The following DOCK1 variants were observed in gnomAD, a reference collection of about 807,000 sequenced individuals.
The protein encoded by DOCK1 is dedicator of cytokinesis protein 1.
Under a neutral mutation model 262.7 loss-of-function variants are expected in DOCK1, and 138 were observed. That is an observed-to-expected ratio of 0.53 (90% CI 0.46 to 0.61). DOCK1 has a LOEUF of 0.61. Ranked by LOEUF, DOCK1 falls within the 20% of genes least tolerant of loss-of-function variation. The pLI is 0.00. For synonymous variants in DOCK1, 866 were observed against 867.4 expected, an observed-to-expected ratio of 1.00 and a Z score of 0.03; for missense variants, 1,908 against 2,370.7, an observed-to-expected ratio of 0.80 and a Z score of 4.05.
chr10:126,974,725 C>G (rs2038385651), intron 2 of DOCK1, among the ~76,000 whole-genome samples: 1 of 152,034 alleles, frequency 6.6e-6, no homozygotes, highest in South Asian at 2.1e-4. Context: ...GTGGTGTGAC[C>G]CCTACTTGTC....
chr10:126,961,180 T>A (rs2134537821), intron 1 of DOCK1, among the ~76,000 whole-genome samples: 1 of 152,306 alleles, frequency 6.6e-6, no homozygotes, highest in South Asian at 2.1e-4. Flanking sequence ...AAACATTGCA[T>A]GAAATACTGC....
intron 30 of DOCK1, among the ~76,000 whole-genome samples, chr10:127,339,481 G>A (rs2063331028): frequency 6.6e-6 from 1 of 152,134 alleles, no homozygotes; most frequent in East Asian, 1.9e-4. Flanking sequence ...TTATAACTCT[G>A]TGTTCCCTCC....
intron 38 of DOCK1, among the ~76,000 whole-genome samples, chr10:127,386,172 C>A (rs531869129): frequency 6.6e-6 from 1 of 152,236 alleles, no homozygotes; most frequent in South Asian, 2.1e-4. Flanking sequence ...TTGGAGTAAG[C>A]GATGCGGCAT....
chr10:127,267,620 C>T lies in DOCK1; in HGVS notation c.3044+10191C>T, dbSNP rs566943180. Among the ~76,000 whole-genome samples, 11 of 152,312 alleles carry T rather than the reference C, an allele frequency of 7.2e-5. No homozygotes were observed. In the East Asian group the frequency reaches 9.7e-4, roughly 13 times the overall value. On this transcript the variant is annotated intron_variant, in intron 29 of 51. Coordinates refer to ENST00000623213, the MANE Select transcript of DOCK1 (RefSeq NM_001290223.2). ...TCTGTTTAAGAATTCTCAGAGATCA[C>T]GCGCACCTCGTCGGGAGTGCCTGGC...
At chr10:126,946,619 T>A (rs1463612408) in intron 1 of DOCK1, among the ~76,000 whole-genome samples, 11 of 152,152 alleles carry the variant, frequency 7.2e-5, no homozygotes, top group African/African-American at 2.4e-4. Context: ...ATATTTTCTG[T>A]CTCTGAATTT....
intron 1 of DOCK1, among the ~76,000 whole-genome samples, chr10:126,932,138 A>T (rs995364007): frequency 1.3e-5 from 2 of 152,190 alleles, no homozygotes; most frequent in African/African-American, 4.8e-5. Flanking sequence ...GTGCTTGATT[A>T]TCTGAGCCCA....
chr10:127,217,652 A>G lies in DOCK1; in HGVS notation c.2848-30356A>G, dbSNP rs79610123. On this transcript the variant is annotated intron_variant, in intron 27 of 51. Transcript: ENST00000623213. ...ACTAAAAATCTGAGCATATTCAAAT[A>G]TGCTTCTGCATCTTGAAGAATAAGG... 1.3e-3 allele frequency among the ~76,000 whole-genome samples: 194 copies of G among 152,342 alleles called. 1 individual carries two copies. The highest frequency in any genetic ancestry group is 4.4e-3 in the African/African-American group (182 of 41,572).
At chr10:126,947,750 G>C in intron 1 of DOCK1, among the ~76,000 whole-genome samples, 1 of 147,610 alleles carries the variant, frequency 6.8e-6, no homozygotes, top group African/African-American at 2.5e-5. Flanking sequence ...TGGTGATGGT[G>C]GTGGTTGGTA....
At chr10:126,989,262 T>G (rs989976128) in intron 5 of DOCK1, among the ~76,000 whole-genome samples, 1 of 150,636 alleles carries the variant, frequency 6.6e-6, no homozygotes, top group African/African-American at 2.4e-5. Context: ...AGAGGGGGAG[T>G]TTTTTAAAAA....
At chr10:126,967,548 G>A (rs1476724204) in intron 1 of DOCK1, among the ~76,000 whole-genome samples, 1 of 34,268 alleles carries the variant, frequency 2.9e-5, no homozygotes, top group Non-Finnish European at 4.6e-5. Flanking sequence ...CCACAAACTC[G>A]GGCTAAGATA....
chr10:127,434,535 T>C (rs1412278458), intron 48 of DOCK1, among the ~76,000 whole-genome samples: 3 of 152,158 alleles, frequency 2.0e-5, no homozygotes, highest in Non-Finnish European at 4.4e-5. Flanking sequence ...TCTTTAATAT[T>C]GCCAAACTGA....
At chr10:127,089,798 A>G (rs953446220) in intron 23 of DOCK1, among the ~76,000 whole-genome samples, 1 of 152,120 alleles carries the variant, frequency 6.6e-6, no homozygotes, top group Non-Finnish European at 1.5e-5. Flanking sequence ...GTCTTCCCCA[A>G]CTAGCTTTTC....
chr10:126,924,680 A>G (rs1004573731), intron 1 of DOCK1, among the ~76,000 whole-genome samples: 2 of 152,218 alleles, frequency 1.3e-5, no homozygotes, highest in African/African-American at 2.4e-5. Context: ...CTCATTTTGC[A>G]GTTTTCGTCT....
intron 27 of DOCK1, among the ~76,000 whole-genome samples, chr10:127,177,900 C>T (rs1332809194): frequency 4.6e-5 from 7 of 152,184 alleles, no homozygotes; most frequent in Non-Finnish European, 7.3e-5. Flanking sequence ...AGAGATGTTG[C>T]GTCATTTTTC....
intron 48 of DOCK1, among the ~76,000 whole-genome samples, chr10:127,433,847 T>C (rs1208609832): frequency 6.6e-6 from 1 of 152,108 alleles, no homozygotes; most frequent in Non-Finnish European, 1.5e-5. Flanking sequence ...TTTTTTTTTT[T>C]TTAATAGCTC....
Position 127,414,634 on chromosome 10 carries a change from T to G in DOCK1, c.4429-518T>G, listed in dbSNP as rs185181144. Among the ~76,000 whole-genome samples, 4 of 152,362 alleles carry G rather than the reference T, an allele frequency of 2.6e-5. No homozygotes were observed. In the East Asian group the frequency reaches 7.7e-4, roughly 29 times the overall value. ...TCCTCCTGCTCTTTCCATATCTTTA[T>G]GTTCTCATATAAACATATATTAGTT... is the stretch of plus-strand genomic sequence containing the variant. On this transcript the variant is annotated intron_variant, in intron 43 of 51. Transcript: ENST00000623213.
intron 27 of DOCK1, among the ~76,000 whole-genome samples, chr10:127,170,013 C>T (rs908157524): frequency 1.3e-5 from 2 of 151,886 alleles, no homozygotes; most frequent in African/African-American, 4.8e-5. Context: ...TCTTTTTTTA[C>T]CACTGTGTGC....
chr10:127,250,655 G>A (rs1271525240), intron 28 of DOCK1, among the ~76,000 whole-genome samples: 1 of 151,782 alleles, frequency 6.6e-6, no homozygotes, highest in African/African-American at 2.4e-5. Context: ...GCCAGGCATG[G>A]TTGGGGGGCA....
chr10:127,334,269 A>G (rs2063105344), intron 29 of DOCK1, among the ~76,000 whole-genome samples: 1 of 152,224 alleles, frequency 6.6e-6, no homozygotes, highest in African/African-American at 2.4e-5. Flanking sequence ...TACTTGAATT[A>G]AGACTTTAAT....
Sources: allele counts gnomAD v4.1 joint callset (sites outside exome capture counted in the v4.1 genomes callset), GRCh38; gene constraint gnomAD v4.1.1; transcripts MANE v1.5; gene names NCBI Gene and HGNC (gene_info 2026-07-23, HGNC 2026-07-21).